The following MCC variants were observed in gnomAD, a reference collection of about 807,000 sequenced individuals.
MCC encodes the protein MCC regulator of Wnt signaling pathway, also known as colorectal mutant cancer protein.
Under a neutral mutation model 116.2 loss-of-function variants are expected in MCC, and 90 were observed. The observed-to-expected ratio is 0.77, with a 90% confidence interval of 0.65 to 0.92. The LOEUF (loss-of-function observed/expected upper bound fraction) is 0.92, where lower values mean the gene tolerates loss of function less well. Ranked by LOEUF, MCC falls within the 40% of genes least tolerant of loss-of-function variation. The pLI is 0.00. For missense variants in MCC, 1,516 were observed against 1,312.2 expected (o/e 1.16, Z -2.40); for synonymous variants, 578 against 510.5 (o/e 1.13, Z -1.78).
chr5:113,176,763 T>A (rs1215568814), intron 3 of MCC, among the ~76,000 whole-genome samples: 1 of 152,188 alleles, frequency 6.6e-6, no homozygotes, highest in African/African-American at 2.4e-5. Flanking sequence ...TGGGTATCCT[T>A]TTTGAATTCT....
intron 3 of MCC, among the ~76,000 whole-genome samples, chr5:113,268,356 G>A (rs1018171649): frequency 2.0e-5 from 3 of 152,158 alleles, no homozygotes; most frequent in Non-Finnish European, 2.9e-5. Context: ...CACGTGCACA[G>A]CACCACCACT....
chr5:113,197,275 T>C (rs1481240524), intron 3 of MCC, among the ~76,000 whole-genome samples: 3 of 152,154 alleles, frequency 2.0e-5, no homozygotes, highest in Non-Finnish European at 4.4e-5. Context: ...CAATTTTTTT[T>C]TAAGCCCAAA....
intron 15 of MCC, among the ~76,000 whole-genome samples, chr5:113,050,877 G>A (rs1290359761): frequency 6.6e-6 from 1 of 152,258 alleles, no homozygotes; most frequent in African/African-American, 2.4e-5. Context: ...GGCCAGGGCC[G>A]TGGCCTCTGA....
intron 3 of MCC, among the ~76,000 whole-genome samples, chr5:113,168,795 G>T (rs1760909628): frequency 6.6e-6 from 1 of 152,032 alleles, no homozygotes; most frequent in Non-Finnish European, 1.5e-5. Flanking sequence ...CAGAGAACGG[G>T]GCAGGGGCAA....
At chr5:113,186,184 T>C (rs1761887094) in intron 3 of MCC, among the ~76,000 whole-genome samples, 1 of 152,144 alleles carries the variant, frequency 6.6e-6, no homozygotes, top group Non-Finnish European at 1.5e-5. Context: ...TCTGACCATA[T>C]CTACACAGTA....
intron 3 of MCC, among the ~76,000 whole-genome samples, chr5:113,308,709 G>A (rs542590612): frequency 2.6e-5 from 4 of 152,138 alleles, no homozygotes; most frequent in East Asian, 3.9e-4. Flanking sequence ...TACTCAGGAC[G>A]CTGAAGTGGG....
chr5:113,160,795 C>G (rs1760441478), intron 3 of MCC, among the ~76,000 whole-genome samples: 1 of 152,194 alleles, frequency 6.6e-6, no homozygotes, highest in Non-Finnish European at 1.5e-5. Context: ...GACCATTCAG[C>G]TGGTATCAGA....
chr5:113,138,570 C>T (rs758677244), intron 5 of MCC, among the ~76,000 whole-genome samples: 3 of 152,158 alleles, frequency 2.0e-5, no homozygotes, highest in Non-Finnish European at 4.4e-5. Context: ...GTGTCTTAAT[C>T]TTAGACTTCC....
intron 1 of MCC, chr5:113,428,766 C>G (rs931880917): frequency 4.6e-5 from 7 of 152,184 alleles, no homozygotes; most frequent in Non-Finnish European, 1.0e-4. Context: ...CACAGTTTGA[C>G]TTTCTGTAAA....
intron 1 of MCC, among the ~76,000 whole-genome samples, chr5:113,484,027 G>A (rs971384236): frequency 6.6e-6 from 1 of 152,118 alleles, no homozygotes; most frequent in African/African-American, 2.4e-5. Flanking sequence ...GGAACAACAC[G>A]CACTGGGGCC....
intron 5 of MCC, among the ~76,000 whole-genome samples, chr5:113,124,181 T>C (rs571504808): frequency 6.6e-6 from 1 of 152,290 alleles, no homozygotes; most frequent in Non-Finnish European, 1.5e-5. Context: ...TAGAGAGTGG[T>C]GAAGACAAAA....
Position 113,143,291 on chromosome 5 carries a change from G to T in MCC, c.811C>A (p.Arg271Ser). The T allele has an allele frequency of 6.2e-7, 1 of 1,613,694 alleles. No homozygotes were observed. Among genetic ancestry groups the T allele is most frequent in the South Asian group, 1.1e-5 (1 of 91,024 alleles). The change falls in exon 5 of 19, where the codon CGC becomes AGC. Residue 271 changes from arginine (R) to serine (S), a missense_variant. Transcript: ENST00000408903. ...ATGACGCTGTGGAGCTCTGTGATGC[G>T]TTCCTCATAGCGAAGTGTCGTTCGC... The part of the protein sequence containing the change: ...QERTTLRYEE[R>S]ITELHSVIAE...
intron 1 of MCC, among the ~76,000 whole-genome samples, chr5:113,452,498 G>A (rs983659597): frequency 6.6e-6 from 1 of 152,200 alleles, no homozygotes; most frequent in Admixed American, 6.5e-5. Context: ...TGAAGAGAGT[G>A]AAAGACAGCA....
chr5:113,294,482 C>T, intron 3 of MCC: 1 of 1,592,526 alleles, frequency 6.3e-7, no homozygotes, highest in Non-Finnish European at 8.5e-7. Context: ...TCCCTTCTGC[C>T]ACATTTTAGT....
intron 3 of MCC, among the ~76,000 whole-genome samples, chr5:113,220,053 A>ATTT (rs1561466024): frequency 1.6e-5 from 1 of 62,858 alleles, no homozygotes; most frequent in Admixed American, 1.2e-4. Context: ...CTGCATGTCA[A>ATTT]TTTCTTTTTC....
At chr5:113,413,916 T>A (rs1041029779) in intron 1 of MCC, among the ~76,000 whole-genome samples, 1 of 152,242 alleles carries the variant, frequency 6.6e-6, no homozygotes, top group African/African-American at 2.4e-5. Context: ...TTTAGTGCTA[T>A]AAATTTCCCT....
intron 14 of MCC, among the ~76,000 whole-genome samples, chr5:113,059,123 T>C (rs1353622613): frequency 2.1e-5 from 3 of 142,536 alleles, no homozygotes; most frequent in Admixed American, 7.3e-5. Flanking sequence ...GCTATGAGTA[T>C]AGTTTTCAAA....
chr5:113,250,102 T>C (rs1040739290), intron 3 of MCC, among the ~76,000 whole-genome samples: 1 of 152,202 alleles, frequency 6.6e-6, no homozygotes, highest in African/African-American at 2.4e-5. Context: ...AAGGCCAGCT[T>C]TGCTTCCCAT....
chr5:113,101,393 TTTC>T, intron 8 of MCC: 1 of 196,968 alleles, frequency 5.1e-6, no homozygotes, highest in South Asian at 1.4e-4. Flanking sequence ...CATTTTTTTT[TTTC>T]AAATTCTAAA....
Sources: gnomAD v4.1 joint callset for allele counts (sites outside exome capture counted in the v4.1 genomes callset) on GRCh38, gnomAD v4.1.1 for gene constraint, MANE v1.5 for transcripts, NCBI Gene and HGNC (gene_info 2026-07-23, HGNC 2026-07-21) for gene names.